BAZ2A: variants seen among roughly 807,000 people sequenced by gnomAD.
The protein encoded by BAZ2A is bromodomain adjacent to zinc finger domain 2A.
In BAZ2A, 34 loss-of-function variants were observed where a neutral mutation model predicts 199.9. That is an observed-to-expected ratio of 0.17 (90% CI 0.13 to 0.23). BAZ2A has a LOEUF of 0.23. Among genes scored for constraint, BAZ2A ranks in the 10% least tolerant of loss-of-function variants. The probability of loss-of-function intolerance (pLI) is 1.00; values close to 1 mark genes in which losing one functional copy is unlikely to be tolerated. For missense variants in BAZ2A, 2,002 were observed against 2,391.1 expected (o/e 0.84, Z 3.39); for synonymous variants, 857 against 883.9 (o/e 0.97, Z 0.54).
chr12:56,630,445 C>T (rs986359554), upstream of BAZ2A: 9 of 261,956 alleles, frequency 3.4e-5, no homozygotes, highest in Non-Finnish European at 5.3e-5. Flanking sequence ...TGGGTCCTAG[C>T]GCCGCTGTGC....
intron 1 of BAZ2A, among the ~76,000 whole-genome samples, chr12:56,620,487 C>T (rs962470923): frequency 5.9e-5 from 9 of 151,622 alleles, no homozygotes; most frequent in African/African-American, 1.7e-4. Flanking sequence ...GGTGACAGAG[C>T]GAAACCCTGT....
In BAZ2A at chr12:56,601,365, A is replaced by T; in HGVS notation, c.4109T>A (p.Val1370Glu). ...RPSAANPCSP[V>E]QFSSTPLAGL... ...AGCCAAGGGCGTGGAAGAGAACTGC[A>T]CTGGAGAACAAGGGTTGGCAGCACT... Residue 1370 changes from valine (V) to glutamate (E), a missense_variant, in exon 21 of 29, where the codon GTG (valine) becomes GAG (glutamate). Around this residue, in one of 6 missense-constraint regions of BAZ2A, gnomAD observed 1,081 missense variants for 1,274.7 expected, o/e 0.85. Coordinates refer to ENST00000549884, the MANE Select transcript of BAZ2A (RefSeq NM_001300905.2). The T allele has an allele frequency of 6.2e-7, 1 of 1,613,972 alleles. No individual in the cohort carries two copies. Among genetic ancestry groups the T allele is most frequent in the Non-Finnish European group, 8.5e-7 (1 of 1,179,856 alleles).
At position 56,617,778 on chromosome 12, in the gene BAZ2A, C is replaced by T. The variant is rs568229547; in HGVS notation, c.-2-246G>A. ...TAGATTAAAAAACAAAGCAAGTTAGCGAGAAAAACCAAGATACAAACCTGG... is the reference window on the plus strand; with the variant it reads ...TAGATTAAAAAACAAAGCAAGTTAGTGAGAAAAACCAAGATACAAACCTGG... On this transcript the variant is annotated intron_variant, in intron 1 of 28. Coordinates refer to ENST00000549884, the MANE Select transcript of BAZ2A (RefSeq NM_001300905.2). Among the ~76,000 whole-genome samples the T allele has an allele frequency of 4.7e-4, 71 of 152,056 alleles. 1 individual carries two copies. The highest frequency in any genetic ancestry group is 4.7e-3 in the Admixed American group (71 of 15,262).
intron 7 of BAZ2A, 170 bp downstream of exon 7, chr12:56,611,402 AC>A: frequency 1.5e-6 from 1 of 674,604 alleles, no homozygotes; most frequent in Non-Finnish European, 2.5e-6. Flanking sequence ...AAGAAGGAAA[AC>A]CTAGGAATCT....
chr12:56,606,724 T>C lies in BAZ2A; in HGVS notation c.2102A>G (p.Asn701Ser), dbSNP rs1950367732. 3 of 1,613,608 alleles carry C rather than the reference T, an allele frequency of 1.9e-6. No homozygotes were observed. The highest frequency in any genetic ancestry group is 1.7e-5 in the Admixed American group (1 of 59,984). The change falls in exon 11 of 29, where the codon AAT becomes AGT. Residue 701 changes from asparagine (N) to serine (S), a missense_variant. Asn to Ser is a conservative substitution (Grantham distance 46). Transcript: ENST00000549884. ...AGCAATCTTTGCTTTATCCTCCTCATTCAATGTTTCTGTGAGAGCAGAAAG... is the reference window on the plus strand; with the variant it reads ...AGCAATCTTTGCTTTATCCTCCTCACTCAATGTTTCTGTGAGAGCAGAAAG... ...LKKLEAQETL[N>S]EEDKAKIAKS...
chr12:56,633,636 A>G (rs1239453377), upstream of BAZ2A, among the ~76,000 whole-genome samples: 1 of 151,582 alleles, frequency 6.6e-6, no homozygotes, highest in East Asian at 2.0e-4. Context: ...ACCAGGTTAA[A>G]GCAAAAGTCT....
chr12:56,614,827 C>A (rs1202645590), intron 3 of BAZ2A, 187 bp downstream of exon 3: 1 of 672,128 alleles, frequency 1.5e-6, no homozygotes, highest in Non-Finnish European at 2.5e-6. Flanking sequence ...TGCACTCCCA[C>A]TCGCGAGCTG....
chr12:56,599,654 A>T (rs1886224653), intron 26 of BAZ2A, 48 bp downstream of exon 26: 2 of 1,610,920 alleles, frequency 1.2e-6, no homozygotes, highest in Admixed American at 1.7e-5. Flanking sequence ...ATTGAGGATA[A>T]TCTCTGATTT....
At chr12:56,607,367 A>G (rs979039838) in intron 10 of BAZ2A, among the ~76,000 whole-genome samples, 2 of 152,180 alleles carry the variant, frequency 1.3e-5, no homozygotes, top group Non-Finnish European at 2.9e-5. Flanking sequence ...TGACATGACT[A>G]TATATACATA....
intron 1 of BAZ2A, among the ~76,000 whole-genome samples, chr12:56,625,731 C>T (rs1207941368): frequency 4.6e-5 from 7 of 151,476 alleles, no homozygotes; most frequent in Admixed American, 6.6e-5. Flanking sequence ...CAAAAATTAG[C>T]CGGGCATGGT....
chr12:56,616,183 G>C (rs1950717087), intron 2 of BAZ2A, among the ~76,000 whole-genome samples: 1 of 151,958 alleles, frequency 6.6e-6, no homozygotes, highest in Non-Finnish European at 1.5e-5. Flanking sequence ...TTACAGGCGT[G>C]AGCCACCACG....
Position 56,599,369 on chromosome 12 carries a change from G to T in BAZ2A, c.5173-11C>A, listed in dbSNP as rs768889490. The T allele has an allele frequency of 1.9e-6, 3 of 1,608,280 alleles. No individual in the cohort carries two copies. The highest frequency in any genetic ancestry group is 1.7e-5 in the Admixed American group (1 of 59,488). ...TTCTCCCTCCACCTGCTTAGTATAG[G>T]AAACAGGTGAGATTAGCAACAGCTG... On this transcript the variant is annotated splice_polypyrimidine_tract_variant and intron_variant, in intron 26 of 28. Coordinates refer to ENST00000549884, the MANE Select transcript of BAZ2A (RefSeq NM_001300905.2).
In BAZ2A at chr12:56,598,341, TAAAAC is replaced by T. The variant is rs1049918055; in HGVS notation, c.*272_*276del. ...CCCCTCCCCATTTTTAATTAGCAAA[TAAAAC>T]AGAAAAGAAAAATTATTTTTTTCTT... On this transcript the variant is annotated 3_prime_UTR_variant, in exon 29 of 29. Coordinates refer to ENST00000549884, the MANE Select transcript of BAZ2A (RefSeq NM_001300905.2). 1 of 349,640 alleles carries T rather than the reference TAAAAC, an allele frequency of 2.9e-6. No homozygotes were observed. Among genetic ancestry groups the T allele is most frequent in the African/African-American group, 2.1e-5 (1 of 47,302 alleles). The allele number at this position is 349,640 out of a possible 1,614,324, so 21.7% of individuals were successfully genotyped here.
rs1565826841 is a variant in BAZ2A at position 56,615,533 on chromosome 12, C to G, written c.211G>C (p.Ala71Pro). ...HTTTSGILNS[A>P]PHSSSTSHLH... ...TGTGAGGTGCTGGAGGAGTGGGGAG[C>G]AGAGTTCAAAATCCCTGAAGTAGTA... is the stretch of plus-strand genomic sequence containing the variant. Residue 71 changes from alanine (A) to proline (P), a missense_variant, in exon 3 of 29, where the codon GCT becomes CCT. By Grantham distance (27) the Ala-to-Pro change is conservative. Coordinates refer to ENST00000549884, the MANE Select transcript of BAZ2A (RefSeq NM_001300905.2). The G allele has an allele frequency of 6.2e-7, 1 of 1,613,036 alleles. No homozygotes were observed. Among genetic ancestry groups the G allele is most frequent in the Non-Finnish European group, 8.5e-7 (1 of 1,179,754 alleles).
intron 1 of BAZ2A, among the ~76,000 whole-genome samples, chr12:56,620,393 T>A (rs1443805767): frequency 6.6e-6 from 1 of 151,842 alleles, no homozygotes; most frequent in Non-Finnish European, 1.5e-5. Context: ...CCCAGCCACT[T>A]GGGAGGCTGA....
Position 56,614,985 on chromosome 12 carries a change from C to T in BAZ2A, c.730+29G>A, listed in dbSNP as rs187556885. 766 of 1,586,528 alleles carry T rather than the reference C, an allele frequency of 4.8e-4. No individual in the cohort carries two copies. In the African/African-American group the frequency reaches 9.3e-3, roughly 19 times the overall value. ...CCCCCCCGAGCTCCATTTTTCCTTTCCCCACCCAGTTCACCAACCCAGTTA... is the reference window on the plus strand; with the variant it reads ...CCCCCCCGAGCTCCATTTTTCCTTTTCCCACCCAGTTCACCAACCCAGTTA... On this transcript the variant is annotated intron_variant, in intron 3 of 28. Coordinates refer to ENST00000549884, the MANE Select transcript of BAZ2A (RefSeq NM_001300905.2).
intron 2 of BAZ2A, among the ~76,000 whole-genome samples, chr12:56,616,785 C>A (rs1402534628): frequency 1.3e-5 from 2 of 152,050 alleles, no homozygotes; most frequent in Admixed American, 6.6e-5. Context: ...GACTTGAAAC[C>A]CAAGCAAGAT....
chr12:56,596,867 T>C lies in BAZ2A; in HGVS notation c.*1751A>G, dbSNP rs1023356303. On this transcript the variant is annotated 3_prime_UTR_variant, in exon 29 of 29. Coordinates refer to ENST00000549884, the MANE Select transcript of BAZ2A (RefSeq NM_001300905.2). ...ATGAGGGAGAAGGGGCATAAAGGAA[T>C]AAAGGGGCTGCCCCAGGACCTACAC... 5 of 151,686 alleles carry C rather than the reference T, an allele frequency of 3.3e-5. No homozygotes were observed. The highest frequency in any genetic ancestry group is 9.7e-5 in the African/African-American group (4 of 41,186). The allele number at this position is 151,686 out of a possible 1,614,324, so 9.4% of individuals were successfully genotyped here.
At chr12:56,614,866 T>C (rs1193928857) in intron 3 of BAZ2A, 148 bp downstream of exon 3, 6 of 832,222 alleles carry the variant, frequency 7.2e-6, no homozygotes, top group Non-Finnish European at 1.1e-5. Context: ...CACCAGCCAC[T>C]TGGCTCTGCT....
Sources: allele counts gnomAD v4.1 joint callset (sites outside exome capture counted in the v4.1 genomes callset), GRCh38; gene constraint gnomAD v4.1.1; regional missense constraint gnomAD v4.1.1; transcripts MANE v1.5; gene names NCBI Gene and HGNC (gene_info 2026-07-23, HGNC 2026-07-21).